The following PCCA variants were observed in gnomAD, a reference collection of about 807,000 sequenced individuals.
PCCA encodes propionyl-CoA carboxylase subunit alpha.
A neutral mutation model predicts 101.3 loss-of-function variants in PCCA; 74 were observed. The ratio of observed to expected loss-of-function variants is 0.73; its 90% CI spans 0.61 to 0.89. The LOEUF is 0.89. Ranked by LOEUF, PCCA falls within the 40% of genes least tolerant of loss-of-function variation. The pLI is 0.00. For synonymous variants in PCCA, 294 were observed against 313.6 expected, an observed-to-expected ratio of 0.94 and a Z score of 0.66; for missense variants, 891 against 907.0, an observed-to-expected ratio of 0.98 and a Z score of 0.23.
At chr13:100,209,285 G>A (rs1224065278) in intron 6 of PCCA, 47 bp from the exon 7 acceptor site, 1 of 1,572,202 alleles carries the variant, frequency 6.4e-7, no homozygotes. Flanking sequence ...TCCACATCAT[G>A]CTCCGTAATG....
chr13:100,235,743 A>G (rs1360726739), intron 7 of PCCA, 99 bp from the exon 8 acceptor site: 5 of 798,286 alleles, frequency 6.3e-6, no homozygotes, highest in Non-Finnish European at 1.1e-5. Context: ...TGAACATTAA[A>G]TGAATCGGAG....
chr13:100,452,471 C>G (rs1444322291), intron 21 of PCCA, among the ~76,000 whole-genome samples: 1 of 152,162 alleles, frequency 6.6e-6, no homozygotes, highest in Non-Finnish European at 1.5e-5. Flanking sequence ...CTTAGGGTCT[C>G]TGCCCTTGTT....
At chr13:100,168,001 C>T (rs2055230431) in intron 6 of PCCA, among the ~76,000 whole-genome samples, 2 of 152,204 alleles carry the variant, frequency 1.3e-5, no homozygotes, top group Non-Finnish European at 2.9e-5. Flanking sequence ...ACTAATCCTG[C>T]TGAGGCCGTC....
intron 21 of PCCA, among the ~76,000 whole-genome samples, chr13:100,511,479 A>G (rs548877619): frequency 1.3e-5 from 2 of 152,366 alleles, no homozygotes; most frequent in African/African-American, 2.4e-5. Flanking sequence ...GTGCATGGAC[A>G]GTATTTGGCC....
At chr13:100,396,999 C>T (rs1017100587) in intron 19 of PCCA, among the ~76,000 whole-genome samples, 6 of 152,056 alleles carry the variant, frequency 3.9e-5, no homozygotes, top group Non-Finnish European at 7.4e-5. Context: ...GGTATGGGGC[C>T]GACTGGCTCC....
At chr13:100,096,474 A>G (rs1167697823) in intron 1 of PCCA, among the ~76,000 whole-genome samples, 2 of 152,194 alleles carry the variant, frequency 1.3e-5, no homozygotes, top group East Asian at 1.9e-4. Flanking sequence ...ATACAACAAT[A>G]TTGAAATTAG....
At chr13:100,160,751 C>A (rs1296875356) in intron 6 of PCCA, 1 of 152,166 alleles carries the variant, frequency 6.6e-6, no homozygotes, top group Non-Finnish European at 1.5e-5. Flanking sequence ...GACATCTTAA[C>A]AGAGTTTACA....
At chr13:100,224,715 A>G (rs577675324) in intron 7 of PCCA, among the ~76,000 whole-genome samples, 1 of 152,356 alleles carries the variant, frequency 6.6e-6, no homozygotes, top group East Asian at 1.9e-4. Flanking sequence ...TTTAGGTATC[A>G]TTGCAGATTT....
chr13:100,174,869 A>G (rs1472031333), intron 6 of PCCA, among the ~76,000 whole-genome samples: 1 of 152,084 alleles, frequency 6.6e-6, no homozygotes, highest in Non-Finnish European at 1.5e-5. Context: ...ATTGTCACAC[A>G]ATAACATATT....
At chr13:100,441,999 T>TA (rs199761080) in intron 20 of PCCA, among the ~76,000 whole-genome samples, 32,894 of 150,100 alleles carry the variant, frequency 0.22, 4,703 homozygotes, top group East Asian at 0.54. Flanking sequence ...CTTTTTTTTT[T>TA]TTTTTTATTT....
At chr13:100,499,668 C>A (rs1457985520) in intron 21 of PCCA, among the ~76,000 whole-genome samples, 1 of 152,214 alleles carries the variant, frequency 6.6e-6, no homozygotes, top group Non-Finnish European at 1.5e-5. Flanking sequence ...TGCATCCGTA[C>A]CTCTGTTGCA....
intron 6 of PCCA, among the ~76,000 whole-genome samples, chr13:100,167,824 A>G (rs964844638): frequency 1.3e-5 from 2 of 152,110 alleles, no homozygotes; most frequent in Non-Finnish European, 2.9e-5. Context: ...TGGGACATAC[A>G]TGTGCGATCT....
chr13:100,152,965 C>G lies in PCCA; in HGVS notation c.301-2014C>G, dbSNP rs181345509. Among the ~76,000 whole-genome samples the G allele has an allele frequency of 4.1e-3, 624 of 152,048 alleles. 5 individuals are homozygous for G. Among genetic ancestry groups the G allele is most frequent in the African/African-American group, 0.014 (582 of 41,472 alleles). On this transcript the variant is annotated intron_variant, in intron 4 of 23. Coordinates refer to ENST00000376285, the MANE Select transcript of PCCA (RefSeq NM_000282.4). ...ATTTTGGACACATAAACACATGTGCCTATGTGTATCTTTTAATTTCTTTTC... is the reference window on the plus strand; with the variant it reads ...ATTTTGGACACATAAACACATGTGCGTATGTGTATCTTTTAATTTCTTTTC...
intron 23 of PCCA, among the ~76,000 whole-genome samples, 194 bp from the exon 24 acceptor site, chr13:100,529,898 AGCCACG>A (rs970354878): frequency 1.2e-4 from 18 of 152,230 alleles, no homozygotes; most frequent in African/African-American, 2.6e-4. Flanking sequence ...GGGAGGAGTG[AGCCACG>A]GCCACGGCCA....
At chr13:100,515,402 G>A in intron 21 of PCCA, 25 bp from the exon 22 acceptor site, 2 of 1,609,934 alleles carry the variant, frequency 1.2e-6, no homozygotes, top group South Asian at 1.1e-5. Flanking sequence ...ACTCATTTAT[G>A]GTTTGGTTTT....
At chr13:100,281,302 GT>G (rs2064097877) in intron 12 of PCCA, among the ~76,000 whole-genome samples, 1 of 152,198 alleles carries the variant, frequency 6.6e-6, no homozygotes, top group South Asian at 2.1e-4. Context: ...AAAGAAATTT[GT>G]GCTACTTTTG....
At chr13:100,298,716 TTCCTTCCTTCCTTCCTTCCTTCCTTCCG>T (rs1435728199) in intron 12 of PCCA, among the ~76,000 whole-genome samples, 21 of 104,146 alleles carry the variant, frequency 2.0e-4, no homozygotes, top group African/African-American at 6.1e-4. Context: ...CCTTCCTTCC[TTCCTTCCTTCCTTCCTTCCTTCCTTCCG>T]TCCTTCCTTC....
intron 8 of PCCA, among the ~76,000 whole-genome samples, chr13:100,248,973 C>G (rs367645145): frequency 6.6e-6 from 1 of 151,918 alleles, no homozygotes; most frequent in East Asian, 1.9e-4. Context: ...AGGCTGGTCT[C>G]GAACCCCTGA....
At chr13:100,527,604 A>G in intron 22 of PCCA, 71 bp from the exon 23 acceptor site, 4 of 1,027,724 alleles carry the variant, frequency 3.9e-6, no homozygotes, top group Non-Finnish European at 6.2e-6. Context: ...GAATTTCTTA[A>G]TGGCTTCATT....
Sources: gnomAD v4.1 joint callset for allele counts (sites outside exome capture counted in the v4.1 genomes callset) on GRCh38, gnomAD v4.1.1 for gene constraint, MANE v1.5 for transcripts, NCBI Gene and HGNC (gene_info 2026-07-23, HGNC 2026-07-21) for gene names.